Variants in ABCD2 observed in about 807,000 individuals in gnomAD.
ABCD2 encodes ATP binding cassette subfamily D member 2.
In ABCD2, 36 loss-of-function variants were observed where a neutral mutation model predicts 70.9. The ratio of observed to expected loss-of-function variants is 0.51; its 90% confidence interval spans 0.39 to 0.67. The LOEUF (loss-of-function observed/expected upper bound fraction) is 0.67, where lower values mean the gene tolerates loss of function less well. Ranked by LOEUF, ABCD2 falls within the 30% of genes least tolerant of loss-of-function variation. ABCD2 has a pLI of 0.00. For missense variants in ABCD2, 729 were observed against 890.2 expected (o/e 0.82, Z 2.30); for synonymous variants, 304 against 306.9 (o/e 0.99, Z 0.10).
intron 9 of ABCD2, among the ~76,000 whole-genome samples, chr12:39,567,998 G>C (rs1469548652): frequency 6.6e-6 from 1 of 151,872 alleles, no homozygotes; most frequent in Non-Finnish European, 1.5e-5. Context: ...TAGATCAGCT[G>C]TTAGTCTGAT....
intron 9 of ABCD2, among the ~76,000 whole-genome samples, chr12:39,559,868 C>T (rs1941228465): frequency 6.6e-6 from 1 of 152,092 alleles, no homozygotes; most frequent in Non-Finnish European, 1.5e-5. Context: ...ATAAGGAGTA[C>T]TAAAGGGAGT....
At chr12:39,539,673 T>C in the ABCD2 span, 1 of 153,064 alleles carries the variant, frequency 6.5e-6, no homozygotes, top group Non-Finnish European at 1.5e-5. Context: ...GAGCCTATGA[T>C]ATTGAGAAAG....
At chr12:39,573,635 CTG>C in intron 9 of ABCD2, 79 bp downstream of exon 9, 1 of 1,508,490 alleles carries the variant, frequency 6.6e-7, no homozygotes, top group East Asian at 2.3e-5. Context: ...CTACCCTCTA[CTG>C]TGAAAAATTT....
chr12:39,543,736 G>A, the ABCD2 span, among the ~76,000 whole-genome samples: 1 of 152,152 alleles, frequency 6.6e-6, no homozygotes, highest in African/African-American at 2.4e-5. Flanking sequence ...TTTATTATTG[G>A]CATGTGCCTA....
chr12:39,603,714 A>G (rs1042195744), intron 5 of ABCD2, among the ~76,000 whole-genome samples, 198 bp downstream of exon 5: 12 of 152,198 alleles, frequency 7.9e-5, no homozygotes, highest in African/African-American at 2.9e-4. Context: ...CTGGCAATAA[A>G]GCAGTAGAAA....
chr12:39,542,388 G>T, the ABCD2 span, among the ~76,000 whole-genome samples: 6 of 151,362 alleles, frequency 4.0e-5, no homozygotes, highest in Non-Finnish European at 7.4e-5. Context: ...GCTTGAACCC[G>T]AGAGGTGGAG....
intron 6 of ABCD2, among the ~76,000 whole-genome samples, chr12:39,587,359 T>A (rs940357092): frequency 6.6e-6 from 1 of 152,222 alleles, no homozygotes; most frequent in African/African-American, 2.4e-5. Flanking sequence ...TTGAACCAGA[T>A]AATTCTTTAT....
intron 9 of ABCD2, 23 bp downstream of exon 9, chr12:39,573,693 A>G: frequency 1.9e-6 from 3 of 1,585,690 alleles, no homozygotes; most frequent in Middle Eastern, 1.7e-4. Context: ...CATCTACCAC[A>G]AATTAGCACT....
chr12:39,539,142 A>C, the ABCD2 span, among the ~76,000 whole-genome samples: 6 of 152,238 alleles, frequency 3.9e-5, no homozygotes, highest in Non-Finnish European at 7.3e-5. Context: ...GAAATTAGAC[A>C]TACTGCATTC....
intron 9 of ABCD2, among the ~76,000 whole-genome samples, chr12:39,565,009 C>G (rs573981057): frequency 1.3e-5 from 2 of 152,114 alleles, no homozygotes; most frequent in Non-Finnish European, 2.9e-5. Context: ...GGTACTAGTA[C>G]CATGCTGTTT....
chr12:39,603,351 T>G (rs1306806498), intron 5 of ABCD2, among the ~76,000 whole-genome samples: 1 of 152,104 alleles, frequency 6.6e-6, no homozygotes, highest in Admixed American at 6.5e-5. Flanking sequence ...GTCAGGTTTA[T>G]TAGATACTTT....
intron 9 of ABCD2, among the ~76,000 whole-genome samples, chr12:39,569,411 AG>A (rs1264054954): frequency 6.6e-6 from 1 of 152,212 alleles, no homozygotes; most frequent in Non-Finnish European, 1.5e-5. Flanking sequence ...CCGTGGGCAT[AG>A]TACCCTCCGA....
Position 39,550,175 on chromosome 12 carries a change from A to C in ABCD2, c.*3737T>G, listed in dbSNP as rs979237956. 2.0e-5 allele frequency: 3 copies of C among 151,802 alleles called. No homozygotes were observed. Among genetic ancestry groups the C allele is most frequent in the African/African-American group, 7.2e-5 (3 of 41,432 alleles). 9.4% of individuals were successfully genotyped at this position (151,802 alleles called of 1,614,324 possible). A position where few individuals can be genotyped will look rare whatever the true frequency, so the allele number is the denominator to read the frequency against. On this transcript the variant is annotated 3_prime_UTR_variant, in exon 10 of 10. Coordinates refer to ENST00000308666, the MANE Select transcript of ABCD2 (RefSeq NM_005164.4). ...GTGACTATTGTCTATAGTTCTACAC[A>C]CGGTTATATACAATACAATGTCTAA... is the stretch of plus-strand genomic sequence containing the variant.
At chr12:39,608,196 A>G (rs1426813223) in intron 2 of ABCD2, among the ~76,000 whole-genome samples, 1 of 152,010 alleles carries the variant, frequency 6.6e-6, no homozygotes, top group African/African-American at 2.4e-5. Context: ...AAAAAAAGAA[A>G]TGAAAAGAAG....
chr12:39,538,532 A>G, the ABCD2 span, among the ~76,000 whole-genome samples: 1 of 152,064 alleles, frequency 6.6e-6, no homozygotes, highest in Non-Finnish European at 1.5e-5. Flanking sequence ...ATTTTGTCCA[A>G]TTCTTTGTTC....
At chr12:39,534,036 T>C in the ABCD2 span, among the ~76,000 whole-genome samples, 1 of 152,216 alleles carries the variant, frequency 6.6e-6, no homozygotes, top group Non-Finnish European at 1.5e-5. Context: ...ATTGTGATAG[T>C]ATTACTGTTT....
rs751137599 is a variant in ABCD2, at chr12:39,603,947, C to T, written c.1465G>A (p.Ala489Thr). 4 of 1,612,696 alleles carry T rather than the reference C, an allele frequency of 2.5e-6. No homozygotes were observed. The highest frequency in any genetic ancestry group is 3.4e-6 in the Non-Finnish European group (4 of 1,179,170). Residue 489 changes from alanine (A) to threonine (T), a missense_variant, in exon 5 of 10, where the codon GCA (alanine) becomes ACA (threonine). Ala to Thr is a moderately conservative substitution (Grantham distance 58). Transcript: ENST00000308666. ...ICENVPIITP[A>T]GEVVASRLNF... is the part of the protein sequence containing the mutation. ...AGCCTGGAAGCCACCACTTCTCCTGCTGGTGTAATTATGGGAACATTTTCA... is the reference window on the plus strand; with the variant it reads ...AGCCTGGAAGCCACCACTTCTCCTGTTGGTGTAATTATGGGAACATTTTCA...
intron 6 of ABCD2, among the ~76,000 whole-genome samples, chr12:39,595,065 C>A (rs1454466238): frequency 6.7e-6 from 1 of 150,368 alleles, no homozygotes; most frequent in Non-Finnish European, 1.5e-5. Context: ...CACTCTGTTT[C>A]AAAAAAAGAA....
intron 9 of ABCD2, among the ~76,000 whole-genome samples, chr12:39,559,421 G>T (rs1362001538): frequency 2.0e-5 from 3 of 150,680 alleles, no homozygotes; most frequent in African/African-American, 7.3e-5. Context: ...TGAGTTGTTG[G>T]TATTCAAGAA....
Sources: gnomAD v4.1 joint callset for allele counts (sites outside exome capture counted in the v4.1 genomes callset) on GRCh38, gnomAD v4.1.1 for gene constraint, MANE v1.5 for transcripts, NCBI Gene and HGNC (gene_info 2026-07-23, HGNC 2026-07-21) for gene names.